Variants in TF observed in about 807,000 individuals in gnomAD.
TF encodes the protein transferrin, also known as serotransferrin.
A neutral mutation model predicts 82.4 loss-of-function variants in TF; 55 were observed. The observed-to-expected ratio is 0.67, with a 90% CI of 0.54 to 0.84. The LOEUF is 0.84. Ranked by LOEUF, TF falls within the 40% of genes least tolerant of loss-of-function variation. The pLI is 0.00. For synonymous variants in TF, 332 were observed against 332.6 expected (o/e 1.00, Z 0.02); for missense variants, 737 against 868.4 (o/e 0.85, Z 1.90).
chr3:133,753,726 G>A (rs373049689), intron 3 of TF, 23 bp downstream of exon 3: 12 of 1,583,122 alleles, frequency 7.6e-6, no homozygotes, highest in African/African-American at 6.7e-5. Flanking sequence ...TGGGACCCCA[G>A]GAAGGAGTTG....
rs146173130 is a variant in TF at position 133,751,719 on chromosome 3, C to T, written c.217-1876C>T. On this transcript the variant is annotated intron_variant, in intron 2 of 16. Transcript: ENST00000402696. Reference sequence around the variant, plus strand: ...GAAAATGGTTAAAATTGGCTGGGTGCGGTGGCTCACGCCTGTAATCCCAGC... The same window carrying T: ...GAAAATGGTTAAAATTGGCTGGGTGTGGTGGCTCACGCCTGTAATCCCAGC... 2.7e-3 allele frequency among the ~76,000 whole-genome samples: 405 copies of T among 152,116 alleles called. 2 individuals carry two copies. The highest frequency in any genetic ancestry group is 9.3e-3 in the African/African-American group (386 of 41,534).
At chr3:133,683,008 G>T in the TF span, among the ~76,000 whole-genome samples, 19 of 152,196 alleles carry the variant, frequency 1.2e-4, no homozygotes, top group Middle Eastern at 3.2e-3. Context: ...TGATCTCGCG[G>T]CAGAAACTCT....
chr3:133,672,341 G>A, the TF span, among the ~76,000 whole-genome samples: 1 of 151,700 alleles, frequency 6.6e-6, no homozygotes, highest in African/African-American at 2.4e-5. Context: ...AAGAAAAGAA[G>A]TAACATATTC....
chr3:133,760,039 A>C (rs1933948516), intron 9 of TF, among the ~76,000 whole-genome samples: 1 of 151,870 alleles, frequency 6.6e-6, no homozygotes, highest in Non-Finnish European at 1.5e-5. Context: ...TGTAAAACCT[A>C]ATCTGGAGCT....
chr3:133,668,979 C>T, the TF span, among the ~76,000 whole-genome samples: 10 of 152,022 alleles, frequency 6.6e-5, no homozygotes, highest in African/African-American at 9.7e-5. Context: ...TGCCTTTCTC[C>T]CTGTCTCACA....
At chr3:133,754,790 A>G in intron 4 of TF, 119 bp downstream of exon 4, 3 of 1,157,662 alleles carry the variant, frequency 2.6e-6, no homozygotes, top group South Asian at 2.5e-5. Flanking sequence ...TGGGGGAAAG[A>G]GGTTAACAGA....
the TF span, among the ~76,000 whole-genome samples, chr3:133,716,902 G>A: frequency 9.2e-5 from 14 of 152,004 alleles, no homozygotes; most frequent in Non-Finnish European, 1.9e-4. Flanking sequence ...CTCCTTCCCC[G>A]GGGACTTTGC....
At chr3:133,759,608 C>T (rs1247454771) in intron 9 of TF, among the ~76,000 whole-genome samples, 1 of 152,114 alleles carries the variant, frequency 6.6e-6, no homozygotes, top group Non-Finnish European at 1.5e-5. Flanking sequence ...GTGTGGGTGT[C>T]CTGAGACCAG....
At chr3:133,687,011 A>G in the TF span, among the ~76,000 whole-genome samples, 3 of 152,370 alleles carry the variant, frequency 2.0e-5, no homozygotes, top group South Asian at 6.2e-4. Flanking sequence ...AATACTATGC[A>G]GCCATAAAAG....
chr3:133,758,007 G>T lies in TF; in HGVS notation c.1048+61G>T. The stretch of plus-strand genomic sequence containing the variant: ...CTTGGGAAACCTGGTGAGCACAGGG[G>T]CCAGAGATTGAGTCTTTTCAGGGAC... On this transcript the variant is annotated intron_variant, in intron 8 of 16. Transcript: ENST00000402696. 6.4e-6 allele frequency: 10 copies of T among 1,561,532 alleles called. No individual in the cohort carries two copies. In the Admixed American group the frequency reaches 8.5e-5, roughly 13 times the overall value.
chr3:133,744,898 C>T (rs533415955), upstream of TF, among the ~76,000 whole-genome samples: 20 of 152,284 alleles, frequency 1.3e-4, no homozygotes, highest in South Asian at 1.5e-3. Flanking sequence ...TATCTCCCAC[C>T]TGAGTCTGCA....
chr3:133,673,412 C>A, the TF span, among the ~76,000 whole-genome samples: 149,820 of 152,348 alleles, frequency 0.98, 73,674 homozygotes, highest in South Asian at 1. Context: ...ATAGAAAATA[C>A]AGTTAAAATT....
chr3:133,753,929 G>A, intron 3 of TF: 4 of 619,780 alleles, frequency 6.5e-6, no homozygotes, highest in Non-Finnish European at 1.2e-5. Flanking sequence ...CTGGGCCAGG[G>A]GCATATGCTT....
At chr3:133,680,799 C>G in the TF span, among the ~76,000 whole-genome samples, 1 of 152,148 alleles carries the variant, frequency 6.6e-6, no homozygotes, top group Admixed American at 6.5e-5. Flanking sequence ...TACCTATAGA[C>G]AGTTAAAAGG....
At chr3:133,770,733 G>A in intron 14 of TF, 161 bp downstream of exon 14, 1 of 880,274 alleles carries the variant, frequency 1.1e-6, no homozygotes, top group South Asian at 1.5e-5. Flanking sequence ...ATGTTCACCT[G>A]AGTGCGCAGA....
In TF at chr3:133,759,284, G is replaced by A; in HGVS notation, c.1158G>A (p.Glu386=). 6.2e-7 allele frequency: 1 copy of A among 1,613,774 alleles called. No homozygotes were observed. The highest frequency in any genetic ancestry group is 1.3e-5 in the African/African-American group (1 of 74,942). Residue 386 remains glutamate (E), a synonymous_variant, in exon 9 of 17, where the codon GAG becomes GAA. Transcript: ENST00000402696. ...EWSVNSVGKI[E]CVSAETTEDC... ...GTGTTAACAGTGTAGGGAAAATAGA[G>A]TGTGTATCAGCAGAGACCACCGAAG...
the TF span, among the ~76,000 whole-genome samples, chr3:133,689,720 G>A: frequency 6.6e-5 from 10 of 152,074 alleles, no homozygotes; most frequent in Admixed American, 2.0e-4. Context: ...CAGATACATT[G>A]TCAGCTTTCT....
the TF span, among the ~76,000 whole-genome samples, chr3:133,687,062 G>A: frequency 6.6e-6 from 1 of 152,162 alleles, no homozygotes; most frequent in Non-Finnish European, 1.5e-5. Flanking sequence ...GGTTGAAGCT[G>A]GAAACCATCA....
the TF span, among the ~76,000 whole-genome samples, chr3:133,713,903 C>T: frequency 2.6e-5 from 4 of 152,192 alleles, no homozygotes; most frequent in African/African-American, 9.7e-5. Context: ...ACCTGTCCCT[C>T]CCCTGCTCCC....
Sources: allele counts gnomAD v4.1 joint callset (sites outside exome capture counted in the v4.1 genomes callset), GRCh38; gene constraint gnomAD v4.1.1; transcripts MANE v1.5; gene names NCBI Gene and HGNC (gene_info 2026-07-23, HGNC 2026-07-21).